COL9A1: variants seen among roughly 807,000 people sequenced by gnomAD.
The protein encoded by COL9A1 is collagen type IX alpha 1 chain.
COL9A1 carries 104 observed loss-of-function variants against 142.6 expected under a neutral mutation model. That is an observed-to-expected ratio of 0.73 (90% CI 0.62 to 0.86). COL9A1 has a LOEUF of 0.86. Ranked by LOEUF, COL9A1 falls within the 40% of genes least tolerant of loss-of-function variation. The pLI, the probability that COL9A1 is intolerant of heterozygous loss-of-function variation, is 0.00. For missense variants in COL9A1, 1,210 were observed against 1,176.6 expected, an observed-to-expected ratio of 1.03 and a Z score of -0.42; for synonymous variants, 466 against 396.0, an observed-to-expected ratio of 1.18 and a Z score of -2.10.
chr6:70,262,368 CT>C, intron 19 of COL9A1, among the ~76,000 whole-genome samples: 2 of 152,244 alleles, frequency 1.3e-5, no homozygotes, highest in Middle Eastern at 6.8e-3. Context: ...GACTTACTTC[CT>C]TTAACTTAAT....
chr6:70,296,557 A>G (rs1048206098), intron 4 of COL9A1, among the ~76,000 whole-genome samples: 1 of 152,098 alleles, frequency 6.6e-6, no homozygotes, highest in Admixed American at 6.5e-5. Context: ...CTTTGACTTT[A>G]TATTTTTCAG....
rs576681012 is a variant in COL9A1 at position 70,274,622 on chromosome 6, T to C, written c.1029+97A>G. Reference sequence around the variant, plus strand: ...TTTAGTTGAACGAGTGCATTTTAGATACTTCATAACTTAATGTTAGTTGGC... The same window carrying C: ...TTTAGTTGAACGAGTGCATTTTAGACACTTCATAACTTAATGTTAGTTGGC... On this transcript the variant is annotated intron_variant, in intron 11 of 37. Transcript: ENST00000357250. 12 of 980,378 alleles carry C rather than the reference T, an allele frequency of 1.2e-5. No homozygotes were observed. The African/African-American group carries it at 1.5e-4, about 12-fold the overall frequency. The allele number at this position is 980,378 out of a possible 1,614,324, so 60.7% of individuals were successfully genotyped here. A position where few individuals can be genotyped will look rare whatever the true frequency, so the allele number is the denominator to read the frequency against.
chr6:70,298,460 C>T (rs181218676), intron 4 of COL9A1, among the ~76,000 whole-genome samples: 294 of 152,302 alleles, frequency 1.9e-3, no homozygotes, highest in Non-Finnish European at 3.2e-3. Context: ...TTCCTAATTT[C>T]TTCCTCCTTC....
chr6:70,280,403 G>T (rs1202786584), intron 10 of COL9A1: 5 of 1,184,556 alleles, frequency 4.2e-6, no homozygotes, highest in Non-Finnish European at 4.2e-6. Context: ...CGGTGAAAGA[G>T]CAAGGGCGAA....
chr6:70,241,861 A>C (rs577744402), intron 30 of COL9A1, 103 bp downstream of exon 30: 74 of 1,009,738 alleles, frequency 7.3e-5, no homozygotes, highest in Non-Finnish European at 1.1e-4. Flanking sequence ...TTTATGATAA[A>C]TTCTAGAAAA....
chr6:70,234,554 T>C lies in COL9A1; in HGVS notation c.2299A>G (p.Met767Val), dbSNP rs6910140. The C allele has an allele frequency of 0.023, 36,856 of 1,614,108 alleles. 1,093 individuals are homozygous for C. The highest frequency in any genetic ancestry group is 0.099 in the African/African-American group (7,422 of 75,024). ...PTDQHIKQVC[M>V]RVIQEHFAEM... ...ATTTATTTACCTTGTATGACTCTCA[T>C]GCAAACCTGCTTAATGTGCTGATCT... Residue 767 changes from methionine to valine, a missense_variant, in exon 35 of 38, where the codon ATG becomes GTG. Physicochemically the swap from Met to Val is conservative, Grantham distance 21. Coordinates refer to ENST00000357250, the MANE Select transcript of COL9A1 (RefSeq NM_001851.6).
rs745421286 is a variant in COL9A1, at chr6:70,217,073, C to G, written c.2590G>C (p.Gly864Arg). 1.2e-6 allele frequency: 2 copies of G among 1,614,012 alleles called. No homozygotes were observed. Among genetic ancestry groups the G allele is most frequent in the Admixed American group, 3.3e-5 (2 of 60,028 alleles). Residue 864 changes from glycine (G) to arginine (R), a missense_variant, in exon 38 of 38, where the codon GGC becomes CGC. Physicochemically the swap from Gly to Arg is moderately radical, Grantham distance 125. Transcript: ENST00000357250. Reference protein sequence around the residue: ...PGAIGLPGDPGPASYGRNGRD... With the variant: ...PGAIGLPGDPRPASYGRNGRD... The stretch of plus-strand genomic sequence containing the variant: ...CCATTTCTGCCATAGCTGGCAGGGC[C>G]TGGGTCACCTGAAACACACAGAAGA...
At chr6:70,249,940 A>G (rs1221314608) in intron 28 of COL9A1, among the ~76,000 whole-genome samples, 2 of 152,082 alleles carry the variant, frequency 1.3e-5, no homozygotes, top group African/African-American at 4.8e-5. Context: ...ATGTTCCTTT[A>G]ACTATATAGA....
chr6:70,245,849 G>A (rs958323848), intron 28 of COL9A1: 1 of 152,274 alleles, frequency 6.6e-6, no homozygotes, highest in African/African-American at 2.4e-5. Flanking sequence ...CAGCTACTCA[G>A]GAGGCTGAGG....
intron 4 of COL9A1, among the ~76,000 whole-genome samples, chr6:70,299,755 CAG>C (rs1354242075): frequency 6.6e-6 from 1 of 152,034 alleles, no homozygotes; most frequent in Non-Finnish European, 1.5e-5. Context: ...CAGTCAAAAC[CAG>C]ACAAATTATA....
intron 10 of COL9A1, among the ~76,000 whole-genome samples, chr6:70,277,998 G>T (rs1434688519): frequency 6.6e-6 from 1 of 152,070 alleles, no homozygotes; most frequent in African/African-American, 2.4e-5. Flanking sequence ...TATTCTCAAA[G>T]ATATCCATTC....
At chr6:70,252,844 G>A (rs9364078) in intron 26 of COL9A1, among the ~76,000 whole-genome samples, 23,597 of 152,054 alleles carry the variant, frequency 0.16, 2,345 homozygotes, top group African/African-American at 0.27. Flanking sequence ...CTGTGACTGG[G>A]GAGCTGCAGC....
rs2127590506 is a variant in COL9A1, at chr6:70,271,329, A to G, written c.1143+326T>C. Among the ~76,000 whole-genome samples the G allele has an allele frequency of 2.0e-5, 3 of 152,266 alleles. No homozygotes were observed. In the Middle Eastern group the frequency reaches 0.01, roughly 518 times the overall value. ...ACATGGTAATAATTTTAGGCTATTC[A>G]CTTTTATTTCATGCAGGGAGCCTAA... is the stretch of plus-strand genomic sequence containing the variant. On this transcript the variant is annotated intron_variant, in intron 14 of 37. Coordinates refer to ENST00000357250, the MANE Select transcript of COL9A1 (RefSeq NM_001851.6).
intron 33 of COL9A1, among the ~76,000 whole-genome samples, chr6:70,236,453 G>A (rs1217126920): frequency 3.3e-5 from 5 of 152,170 alleles, no homozygotes; most frequent in Admixed American, 1.3e-4. Flanking sequence ...AAAAGAACAC[G>A]AGGCAGCAAG....
intron 29 of COL9A1, 77 bp from the exon 30 acceptor site, chr6:70,242,112 G>A: frequency 1.6e-6 from 2 of 1,265,012 alleles, no homozygotes; most frequent in Non-Finnish European, 2.3e-6. Flanking sequence ...ACAACCTTGG[G>A]TGTGTTGACT....
At position 70,300,395 on chromosome 6, in the gene COL9A1, G is replaced by C; in HGVS notation, c.89-9C>G. 1.3e-6 allele frequency: 2 copies of C among 1,567,766 alleles called. No homozygotes were observed. The highest frequency in any genetic ancestry group is 1.8e-6 in the Non-Finnish European group (2 of 1,138,398). On this transcript the variant is annotated splice_polypyrimidine_tract_variant and intron_variant, in intron 2 of 37. Coordinates refer to ENST00000357250, the MANE Select transcript of COL9A1 (RefSeq NM_001851.6). The stretch of plus-strand genomic sequence containing the variant: ...GGAATTGACAGGGAATCCTGCAAAA[G>C]AGATAGCATGTCATTCTACTTCATC...
intron 36 of COL9A1, among the ~76,000 whole-genome samples, chr6:70,230,184 C>T (rs927157749): frequency 1.3e-5 from 2 of 152,142 alleles, no homozygotes; most frequent in African/African-American, 4.8e-5. Context: ...GCTGTAACCC[C>T]TTGGATATTA....
chr6:70,266,452 T>C (rs1231621779), intron 18 of COL9A1, among the ~76,000 whole-genome samples: 1 of 152,128 alleles, frequency 6.6e-6, no homozygotes, highest in Non-Finnish European at 1.5e-5. Flanking sequence ...GTGTGATTGA[T>C]TTGAAAAGAA....
At position 70,302,000 on chromosome 6, in the gene COL9A1, C is replaced by T. The variant is rs377760437; in HGVS notation, c.88+1G>A. On this transcript the variant is annotated splice_donor_variant, in intron 2 of 37. Transcript: ENST00000357250. LOFTEE classifies it high-confidence loss of function. ...GAAAGTCTAGAAACTATGGCCCTTA[C>T]TGGGGCGACGCTTGACAGCTGCAGA... 3 of 1,608,818 alleles carry T rather than the reference C, an allele frequency of 1.9e-6. No individual in the cohort carries two copies. Among genetic ancestry groups the T allele is most frequent in the South Asian group, 2.2e-5 (2 of 89,860 alleles).
Sources: allele counts gnomAD v4.1 joint callset (sites outside exome capture counted in the v4.1 genomes callset), GRCh38; gene constraint gnomAD v4.1.1; transcripts MANE v1.5; gene names NCBI Gene and HGNC (gene_info 2026-07-23, HGNC 2026-07-21).